DNAI7: variants seen among roughly 807,000 people sequenced by gnomAD.
DNAI7 encodes the protein cancer susceptibility 1.
DNAI7 carries 78 observed loss-of-function variants against 86.6 expected under a neutral mutation model. That is an observed-to-expected ratio of 0.90 (90% confidence interval 0.75 to 1.09). The LOEUF is 1.09. Ranked by LOEUF, DNAI7 falls within the 50% of genes least tolerant of loss-of-function variation. The pLI is 0.00. For synonymous variants in DNAI7, 274 were observed against 273.0 expected, an observed-to-expected ratio of 1.00 and a Z score of -0.04; for missense variants, 753 against 810.2, an observed-to-expected ratio of 0.93 and a Z score of 0.86.
chr12:25,146,595 G>C (rs1453183984), intron 8 of DNAI7, among the ~76,000 whole-genome samples: 1 of 41,126 alleles, frequency 2.4e-5, no homozygotes, highest in Non-Finnish European at 9.6e-5. Context: ...GCAAGACTGT[G>C]TCTCAAAAAA....
intron 9 of DNAI7, among the ~76,000 whole-genome samples, chr12:25,134,001 ATTTTTG>A (rs1197759789): frequency 6.6e-6 from 1 of 151,790 alleles, no homozygotes; most frequent in African/African-American, 2.4e-5. Flanking sequence ...TTTTGTTTTT[ATTTTTG>A]TTTTTAAGAC....
intron 11 of DNAI7, among the ~76,000 whole-genome samples, chr12:25,120,317 GGA>G (rs369253749): frequency 5.8e-4 from 47 of 80,790 alleles, no homozygotes; most frequent in African/African-American, 1.4e-3. Flanking sequence ...GCAGGAAGAG[GGA>G]GAGAGAGAGA....
intron 11 of DNAI7, 24 bp from the exon 12 acceptor site, chr12:25,119,325 A>G: frequency 6.5e-7 from 1 of 1,542,000 alleles, no homozygotes; most frequent in Non-Finnish European, 8.9e-7. Flanking sequence ...CCAAAACAAC[A>G]TCAAGTTAGT....
At chr12:25,192,044 T>G (rs987260424) in intron 1 of DNAI7, among the ~76,000 whole-genome samples, 1 of 152,186 alleles carries the variant, frequency 6.6e-6, no homozygotes, top group African/African-American at 2.4e-5. Flanking sequence ...TCTTGAAGAG[T>G]GCATATATTA....
At chr12:25,142,087 G>A (rs1944263915) in intron 9 of DNAI7, among the ~76,000 whole-genome samples, 1 of 152,132 alleles carries the variant, frequency 6.6e-6, no homozygotes, top group Non-Finnish European at 1.5e-5. Context: ...CAAAAACATG[G>A]AACCAGCCCA....
Position 25,156,931 on chromosome 12 carries a change from A to C in DNAI7, c.199-1519T>G, listed in dbSNP as rs1203703270. Among the ~76,000 whole-genome samples the C allele has an allele frequency of 2.6e-5, 4 of 152,328 alleles. No homozygotes were observed. In the East Asian group the frequency reaches 7.7e-4, roughly 29 times the overall value. The stretch of plus-strand genomic sequence containing the variant: ...AAGATCTGTTCAGAGGGTAAGATAG[A>C]TCAATGTTTTAAAATAACAGAGTAT... On this transcript the variant is annotated intron_variant, in intron 4 of 15. Transcript: ENST00000395987.
At chr12:25,137,341 T>C (rs1418833711) in intron 9 of DNAI7, among the ~76,000 whole-genome samples, 1 of 152,088 alleles carries the variant, frequency 6.6e-6, no homozygotes, top group Non-Finnish European at 1.5e-5. Context: ...GCTAAGAGAA[T>C]TTACCACTAA....
intron 2 of DNAI7, among the ~76,000 whole-genome samples, chr12:25,164,811 TCAC>T (rs1565781431): frequency 6.6e-6 from 1 of 151,944 alleles, no homozygotes; most frequent in Non-Finnish European, 1.5e-5. Context: ...TCTCCCCTCC[TCAC>T]CAGGCCGAGC....
intron 2 of DNAI7, among the ~76,000 whole-genome samples, chr12:25,177,485 T>TTGA (rs1306209556): frequency 6.6e-6 from 1 of 152,260 alleles, no homozygotes; most frequent in African/African-American, 2.4e-5. Flanking sequence ...TTCATTCATG[T>TTGA]TGATGGACAT....
chr12:25,147,482 C>CCCCCG (rs746485034), intron 7 of DNAI7, among the ~76,000 whole-genome samples: 6 of 150,524 alleles, frequency 4.0e-5, no homozygotes, highest in South Asian at 2.2e-4. Flanking sequence ...TGAGACCACC[C>CCCCCG]CCATCTCTAC....
At chr12:25,176,463 T>A (rs1043496485) in intron 2 of DNAI7, among the ~76,000 whole-genome samples, 1 of 152,136 alleles carries the variant, frequency 6.6e-6, no homozygotes, top group African/African-American at 2.4e-5. Context: ...CATCTCTTGA[T>A]GAAATGTTGG....
chr12:25,108,652 A>G lies in DNAI7; in HGVS notation c.2065T>C (p.Phe689Leu), dbSNP rs1285076526. ...TTCTCCATTGCTTCCTCAGAAGCAA[A>G]ATCCTTCACCATGTGATATAAAGTA... Reference protein sequence around the residue: ...HSTLYHMVKDFASEEAMEKVR... With the variant: ...HSTLYHMVKDLASEEAMEKVR... The change falls in exon 16 of 16, where the codon TTT becomes CTT. Residue 689 changes from phenylalanine (F) to leucine (L), a missense_variant. By Grantham distance (22) the Phe-to-Leu change is conservative (BLOSUM62 0). Transcript: ENST00000395987. 1 of 1,613,440 alleles carries G rather than the reference A, an allele frequency of 6.2e-7. No individual in the cohort carries two copies. The highest frequency in any genetic ancestry group is 2.2e-5 in the East Asian group (1 of 44,872).
chr12:25,128,125 T>C (rs1241220015), intron 9 of DNAI7, among the ~76,000 whole-genome samples: 1 of 152,204 alleles, frequency 6.6e-6, no homozygotes, highest in Admixed American at 6.5e-5. Context: ...CTTGATAATA[T>C]CTGCAAAATG....
At chr12:25,158,362 G>A (rs531542324) in intron 4 of DNAI7, 110 bp downstream of exon 4, 150 of 776,520 alleles carry the variant, frequency 1.9e-4, no homozygotes, top group Non-Finnish European at 2.8e-4. Context: ...TTAAGTTCAT[G>A]TAGGCCTAAA....
At chr12:25,158,607 G>T in intron 3 of DNAI7, 44 bp from the exon 4 acceptor site, 1 of 1,567,742 alleles carries the variant, frequency 6.4e-7, no homozygotes. Flanking sequence ...ATAGATCACT[G>T]TATTTTTAAG....
intron 2 of DNAI7, among the ~76,000 whole-genome samples, chr12:25,188,614 C>T (rs1424294275): frequency 6.8e-6 from 1 of 147,440 alleles, no homozygotes; most frequent in East Asian, 1.9e-4. Context: ...GCGAAGGTTG[C>T]AGTAAGCCAA....
At position 25,108,391 on chromosome 12, in the gene DNAI7, T is replaced by C; in HGVS notation, c.*157A>G. ...AAGTATTCAAAGGAAAAAAAAATAC[T>C]GTTTTTAAAATAAAACTTGAGTAGA... On this transcript the variant is annotated 3_prime_UTR_variant, in exon 16 of 16. Transcript: ENST00000395987. The C allele has an allele frequency of 1.5e-6, 1 of 662,756 alleles. No homozygotes were observed. Among genetic ancestry groups the C allele is most frequent in the Admixed American group, 3.5e-5 (1 of 28,278 alleles). 41.1% of individuals were successfully genotyped at this position (662,756 alleles called of 1,614,324 possible). A position where few individuals can be genotyped will look rare whatever the true frequency, so the allele number is the denominator to read the frequency against.
At chr12:25,132,263 TC>T (rs1386654935) in intron 9 of DNAI7, among the ~76,000 whole-genome samples, 10 of 152,066 alleles carry the variant, frequency 6.6e-5, no homozygotes, top group African/African-American at 2.2e-4. Flanking sequence ...TATACCACCA[TC>T]CCATCCTTCT....
intron 14 of DNAI7, 65 bp from the exon 15 acceptor site, chr12:25,110,305 G>T: frequency 1.1e-6 from 1 of 883,846 alleles, no homozygotes. Flanking sequence ...TCCATCTTTG[G>T]CCTCCTTCAG....
Sources: allele counts gnomAD v4.1 joint callset (sites outside exome capture counted in the v4.1 genomes callset), GRCh38; gene constraint gnomAD v4.1.1; transcripts MANE v1.5; gene names NCBI Gene and HGNC (gene_info 2026-07-23, HGNC 2026-07-21).